Variants in SYT9 observed in about 807,000 individuals in gnomAD.
SYT9 encodes the protein synaptotagmin-9.
In SYT9, 22 loss-of-function variants were observed where a neutral mutation model predicts 48.4. The observed-to-expected ratio is 0.45, with a 90% CI of 0.32 to 0.65. SYT9 has a LOEUF of 0.65. Among genes scored for constraint, SYT9 ranks in the 30% least tolerant of loss-of-function variants. SYT9 has a pLI of 0.03. For missense variants in SYT9, 577 were observed against 622.0 expected (o/e 0.93, Z 0.77); for synonymous variants, 265 against 245.0 (o/e 1.08, Z -0.76).
intron 3 of SYT9, among the ~76,000 whole-genome samples, chr11:7,387,152 G>T (rs952529232): frequency 6.6e-6 from 1 of 152,092 alleles, no homozygotes; most frequent in Non-Finnish European, 1.5e-5. Flanking sequence ...CTGTTGTGGG[G>T]TGTGGTGGGG....
chr11:7,268,898 C>A (rs1387769304), intron 1 of SYT9, among the ~76,000 whole-genome samples: 1 of 152,002 alleles, frequency 6.6e-6, no homozygotes, highest in Non-Finnish European at 1.5e-5. Context: ...TAATCCCTGC[C>A]TCAGGAGACT....
At chr11:7,248,361 T>C (rs990839710), upstream of SYT9, among the ~76,000 whole-genome samples, 3 of 152,174 alleles carry the variant, frequency 2.0e-5, no homozygotes, top group African/African-American at 7.2e-5. Context: ...TCTTTGTTTT[T>C]ATTGCATTTG....
intron 5 of SYT9, 117 bp from the exon 6 acceptor site, chr11:7,420,386 AAAC>A: frequency 4.7e-6 from 6 of 1,284,518 alleles, no homozygotes; most frequent in Non-Finnish European, 6.4e-6. Context: ...GGAAATGAAA[AAAC>A]AAACAAACAA....
At chr11:7,373,336 C>T (rs961565895) in intron 3 of SYT9, among the ~76,000 whole-genome samples, 1 of 152,120 alleles carries the variant, frequency 6.6e-6, no homozygotes, top group African/African-American at 2.4e-5. Flanking sequence ...TTTTTTAATA[C>T]ATCAGCTACA....
chr11:7,404,392 G>A (rs1049208683), intron 3 of SYT9, among the ~76,000 whole-genome samples: 6 of 151,000 alleles, frequency 4.0e-5, no homozygotes, highest in East Asian at 3.9e-4. Context: ...TTTCCTTTTC[G>A]CTGCCTTTTT....
rs12574138 is a variant in SYT9, at chr11:7,425,841, A to G, written c.1467+5206A>G. Among the ~76,000 whole-genome samples, 36 of 152,326 alleles carry G rather than the reference A, an allele frequency of 2.4e-4. No homozygotes were observed. In the East Asian group the frequency reaches 5.8e-3, roughly 24 times the overall value. ...TACATGCTGCTGCAATATCTTGCCC[A>G]TATGATGAGGTGCTCCCCCCCAATA... is the stretch of plus-strand genomic sequence containing the variant. On this transcript the variant is annotated intron_variant, in intron 6 of 6. Coordinates refer to ENST00000318881, the MANE Select transcript of SYT9 (RefSeq NM_175733.4).
At chr11:7,263,265 G>A (rs1213972929) in intron 1 of SYT9, among the ~76,000 whole-genome samples, 1 of 152,160 alleles carries the variant, frequency 6.6e-6, no homozygotes, top group Non-Finnish European at 1.5e-5. Flanking sequence ...GCTGGCAGAT[G>A]CTGTGTCAGG....
chr11:7,344,942 A>G (rs1849774579), intron 3 of SYT9, among the ~76,000 whole-genome samples: 1 of 151,518 alleles, frequency 6.6e-6, no homozygotes, highest in Non-Finnish European at 1.5e-5. Flanking sequence ...ACACACACAC[A>G]CACACACACA....
intron 3 of SYT9, chr11:7,314,393 C>T (rs1364688211): frequency 3.6e-6 from 1 of 275,942 alleles, no homozygotes; most frequent in African/African-American, 2.2e-5. Flanking sequence ...ATGATTGGAT[C>T]CTCAGCTTCA....
chr11:7,279,929 A>G (rs997175969), intron 1 of SYT9, among the ~76,000 whole-genome samples: 2 of 152,200 alleles, frequency 1.3e-5, no homozygotes, highest in Non-Finnish European at 2.9e-5. Flanking sequence ...AAATCTTTTG[A>G]GCAGTAAAAT....
At position 7,252,398 on chromosome 11, in the gene SYT9, G is replaced by T; in HGVS notation, c.145+67G>T. On this transcript the variant is annotated intron_variant, in intron 1 of 6. Transcript: ENST00000318881. This position sits in a 1 kb window ranked among gnomAD's most constrained non-coding sequence, Gnocchi z 6.3. ...GGGCTGGGACTTGGGGCCGCACCGG[G>T]GCCTGAGGCAGAACAGCGACGCGGA... The T allele has an allele frequency of 7.4e-7, 1 of 1,350,242 alleles. No homozygotes were observed. 83.6% of individuals were successfully genotyped at this position (1,350,242 alleles called of 1,614,324 possible).
chr11:7,258,299 T>C (rs1390077475), intron 1 of SYT9, among the ~76,000 whole-genome samples: 4 of 152,184 alleles, frequency 2.6e-5, no homozygotes, highest in South Asian at 4.1e-4. Context: ...GGAGTATGTA[T>C]TTCTATTTTC....
At chr11:7,414,808 G>C (rs1157027891) in intron 3 of SYT9, among the ~76,000 whole-genome samples, 1 of 152,198 alleles carries the variant, frequency 6.6e-6, no homozygotes, top group African/African-American at 2.4e-5. Flanking sequence ...AGCCGAATCT[G>C]TGCTTCTAAA....
At chr11:7,347,591 G>T (rs1381266561) in intron 3 of SYT9, among the ~76,000 whole-genome samples, 3 of 152,164 alleles carry the variant, frequency 2.0e-5, no homozygotes, top group African/African-American at 7.2e-5. Context: ...GGATCTTGGG[G>T]CTGGCAGCTG....
At chr11:7,342,684 T>G (rs1237082662) in intron 3 of SYT9, among the ~76,000 whole-genome samples, 1 of 152,078 alleles carries the variant, frequency 6.6e-6, no homozygotes, top group Non-Finnish European at 1.5e-5. Flanking sequence ...CATTCTGGGG[T>G]CTCGAGGACA....
At chr11:7,302,703 C>T (rs1848945452) in intron 1 of SYT9, among the ~76,000 whole-genome samples, 1 of 152,188 alleles carries the variant, frequency 6.6e-6, no homozygotes, top group African/African-American at 2.4e-5. Context: ...ATGATTGGTG[C>T]TGCCTGTAGG....
At chr11:7,395,046 G>C (rs1189983767) in intron 3 of SYT9, among the ~76,000 whole-genome samples, 1 of 151,846 alleles carries the variant, frequency 6.6e-6, no homozygotes, top group Admixed American at 6.6e-5. Flanking sequence ...GGTTTTGGGG[G>C]AACAGGTGGT....
At chr11:7,241,532 AG>A (rs1847740556) in intron 1 of SYT9, among the ~76,000 whole-genome samples, 1 of 152,216 alleles carries the variant, frequency 6.6e-6, no homozygotes, top group African/African-American at 2.4e-5. Context: ...GAGAAGCTGA[AG>A]TGCAGAAGAG....
chr11:7,408,826 T>C lies in SYT9; in HGVS notation c.1045-7216T>C, dbSNP rs144287451. Among the ~76,000 whole-genome samples, 171 of 152,340 alleles carry C rather than the reference T, an allele frequency of 1.1e-3. 2 individuals are homozygous for C. In the East Asian group the frequency reaches 0.032, roughly 29 times the overall value. On this transcript the variant is annotated intron_variant, in intron 3 of 6. Coordinates refer to ENST00000318881, the MANE Select transcript of SYT9 (RefSeq NM_175733.4). ...CCTTTTATTTTATTATTTCATTTTTTTTAATTTGTTTTCCTCAGAGATCCT... is the reference window on the plus strand; with the variant it reads ...CCTTTTATTTTATTATTTCATTTTTCTTAATTTGTTTTCCTCAGAGATCCT...
Sources: allele counts gnomAD v4.1 joint callset (sites outside exome capture counted in the v4.1 genomes callset), GRCh38; gene constraint gnomAD v4.1.1; non-coding constraint Gnocchi (gnomAD v3.1); transcripts MANE v1.5; gene names NCBI Gene and HGNC (gene_info 2026-07-23, HGNC 2026-07-21).